SUGCT: variants seen among roughly 807,000 people sequenced by gnomAD.
SUGCT encodes succinyl-CoA:glutarate-CoA transferase.
In SUGCT, 41 loss-of-function variants were observed where a neutral mutation model predicts 55.0. That is an observed-to-expected ratio of 0.74 (90% CI 0.58 to 0.97). The LOEUF (loss-of-function observed/expected upper bound fraction) is 0.97. Among genes scored for constraint, SUGCT ranks in the 50% least tolerant of loss-of-function variants. SUGCT has a pLI of 0.00. For synonymous variants in SUGCT, 187 were observed against 200.4 expected (o/e 0.93, Z 0.56); for missense variants, 568 against 547.8 (o/e 1.04, Z -0.37).
chr7:40,314,791 C>T (rs1296344680), intron 8 of SUGCT, among the ~76,000 whole-genome samples: 1 of 151,962 alleles, frequency 6.6e-6, no homozygotes, highest in African/African-American at 2.4e-5. Flanking sequence ...CTCGAACTCC[C>T]ATCCTTAGGT....
At chr7:40,921,150 A>G in the SUGCT span, among the ~76,000 whole-genome samples, 1 of 152,236 alleles carries the variant, frequency 6.6e-6, no homozygotes, top group Non-Finnish European at 1.5e-5. Context: ...AGTATAAATC[A>G]AAAATATTCA....
intron 12 of SUGCT, among the ~76,000 whole-genome samples, chr7:40,584,787 A>G (rs1562879650): frequency 6.6e-6 from 1 of 152,136 alleles, no homozygotes; most frequent in Non-Finnish European, 1.5e-5. Context: ...GTGGCGAACT[A>G]TTTACACTGG....
chr7:40,707,859 G>T (rs1785502982), intron 12 of SUGCT, among the ~76,000 whole-genome samples: 1 of 152,114 alleles, frequency 6.6e-6, no homozygotes, highest in African/African-American at 2.4e-5. Context: ...GTTAAAACTT[G>T]GTTGTAATAT....
intron 9 of SUGCT, among the ~76,000 whole-genome samples, chr7:40,434,017 G>T (rs1788045187): frequency 6.6e-6 from 1 of 152,120 alleles, no homozygotes; most frequent in South Asian, 2.1e-4. Context: ...ATTATAAGTG[G>T]TTTTAGAGAT....
chr7:40,218,802 T>G (rs949933787), intron 6 of SUGCT, among the ~76,000 whole-genome samples: 18 of 152,124 alleles, frequency 1.2e-4, no homozygotes, highest in African/African-American at 4.3e-4. Flanking sequence ...CAATCAGCAC[T>G]CTGTAAAAAT....
rs561472205 is a variant in SUGCT at position 40,654,077 on chromosome 7, T to C, written c.1090-95357T>C. ...AATTAGTTTTAAGTAATATATCACT[T>C]ACTTTCCCATAAGGTATCAATATCT... On this transcript the variant is annotated intron_variant, in intron 12 of 13. Coordinates refer to ENST00000335693, the MANE Select transcript of SUGCT (RefSeq NM_001193313.2). Among the ~76,000 whole-genome samples the C allele has an allele frequency of 2.0e-5, 3 of 152,286 alleles. No homozygotes were observed. In the East Asian group the frequency reaches 5.8e-4, roughly 29 times the overall value.
the SUGCT span, among the ~76,000 whole-genome samples, chr7:40,914,794 T>C: frequency 6.6e-6 from 1 of 152,148 alleles, no homozygotes; most frequent in Non-Finnish European, 1.5e-5. Context: ...TTGAAACACA[T>C]GCCTGCCTTT....
intron 12 of SUGCT, among the ~76,000 whole-genome samples, chr7:40,700,671 A>G (rs1334340500): frequency 6.6e-6 from 1 of 152,222 alleles, no homozygotes; most frequent in Non-Finnish European, 1.5e-5. Flanking sequence ...ATATCTAAGT[A>G]TCAGCTGCTG....
chr7:40,898,660 C>T, the SUGCT span, among the ~76,000 whole-genome samples: 1 of 151,864 alleles, frequency 6.6e-6, no homozygotes, highest in African/African-American at 2.4e-5. Context: ...GGAGGCGGAC[C>T]TTGCAGTGAG....
chr7:40,411,438 A>T (rs761215032), intron 9 of SUGCT, among the ~76,000 whole-genome samples: 42 of 152,192 alleles, frequency 2.8e-4, no homozygotes, highest in Non-Finnish European at 5.6e-4. Context: ...TTGAGGAAAG[A>T]ACAAATTAAA....
chr7:40,747,849 A>G (rs775194709), intron 12 of SUGCT, among the ~76,000 whole-genome samples: 17 of 152,158 alleles, frequency 1.1e-4, no homozygotes, highest in Non-Finnish European at 1.5e-4. Context: ...TTTGCCTCCA[A>G]TAATTCAACA....
intron 12 of SUGCT, among the ~76,000 whole-genome samples, chr7:40,584,950 G>GCATT (rs1797298506): frequency 6.6e-6 from 1 of 152,114 alleles, no homozygotes; most frequent in African/African-American, 2.4e-5. Context: ...TAAGGCAAGT[G>GCATT]CATTGTAAAT....
the SUGCT span, among the ~76,000 whole-genome samples, chr7:41,032,265 C>T: frequency 6.6e-6 from 1 of 151,986 alleles, no homozygotes; most frequent in African/African-American, 2.4e-5. Flanking sequence ...TTTTTCCTTG[C>T]TAATAGAATC....
chr7:40,890,223 T>G, the SUGCT span, among the ~76,000 whole-genome samples: 1 of 143,652 alleles, frequency 7.0e-6, no homozygotes, highest in African/African-American at 2.5e-5. Context: ...ATATTTATAT[T>G]TATATTATAT....
Position 40,274,576 on chromosome 7 carries a change from G to A in SUGCT, c.640G>A (p.Gly214Arg), listed in dbSNP as rs1013623774. The change falls in exon 8 of 14, where the codon GGA (glycine) becomes AGA (arginine). Residue 214 changes from glycine (G) to arginine (R), a missense_variant. Coordinates refer to ENST00000335693, the MANE Select transcript of SUGCT (RefSeq NM_001193313.2). ...TCTTGCCACTGGCCTGTATGCATAT[G>A]GAGCTATTATGGCTGGATTGATACA... Reference protein sequence around the residue: ...TDLATGLYAYGAIMAGLIQKY... With the variant: ...TDLATGLYAYRAIMAGLIQKY... 6.2e-7 allele frequency: 1 copy of A among 1,613,784 alleles called. No individual in the cohort carries two copies. The highest frequency in any genetic ancestry group is 1.3e-5 in the African/African-American group (1 of 75,032).
the SUGCT span, among the ~76,000 whole-genome samples, chr7:40,987,501 G>T: frequency 1.3e-5 from 2 of 152,142 alleles, no homozygotes; most frequent in East Asian, 3.9e-4. Flanking sequence ...TTCTGGTGGA[G>T]AATCATTGTG....
intron 11 of SUGCT, among the ~76,000 whole-genome samples, chr7:40,490,213 C>T (rs1313545540): frequency 6.6e-6 from 1 of 152,198 alleles, no homozygotes; most frequent in Admixed American, 6.5e-5. Context: ...TCTGTGTTTC[C>T]TGCAGCATAA....
intron 9 of SUGCT, among the ~76,000 whole-genome samples, chr7:40,346,743 A>G (rs1165416975): frequency 1.3e-5 from 2 of 152,158 alleles, no homozygotes; most frequent in Non-Finnish European, 2.9e-5. Flanking sequence ...AAATGACGTC[A>G]TGAGGGTGGA....
intron 13 of SUGCT, among the ~76,000 whole-genome samples, chr7:40,780,404 C>G (rs937157349): frequency 4.6e-5 from 7 of 152,138 alleles, no homozygotes; most frequent in Non-Finnish European, 7.4e-5. Context: ...GGGAAGTTTG[C>G]AAATGACCAT....
Sources: allele counts gnomAD v4.1 joint callset (sites outside exome capture counted in the v4.1 genomes callset), GRCh38; gene constraint gnomAD v4.1.1; transcripts MANE v1.5; gene names NCBI Gene and HGNC (gene_info 2026-07-23, HGNC 2026-07-21).